PDE1C: variants seen among roughly 807,000 people sequenced by gnomAD.
PDE1C encodes the protein phosphodiesterase 1C.
In PDE1C, 62 loss-of-function variants were observed where a neutral mutation model predicts 93.1. The observed-to-expected ratio is 0.67, with a 90% CI of 0.54 to 0.82. The LOEUF is 0.82. Ranked by LOEUF, PDE1C falls within the 40% of genes least tolerant of loss-of-function variation. The probability of loss-of-function intolerance (pLI) is 0.00; values close to 1 mark genes in which losing one functional copy is unlikely to be tolerated. For missense variants in PDE1C, 742 were observed against 884.6 expected, an observed-to-expected ratio of 0.84 and a Z score of 2.04; for synonymous variants, 325 against 310.1, an observed-to-expected ratio of 1.05 and a Z score of -0.50.
chr7:31,726,147 T>C, the PDE1C span, among the ~76,000 whole-genome samples: 2 of 152,202 alleles, frequency 1.3e-5, no homozygotes, highest in African/African-American at 4.8e-5. Context: ...TAGCTGACTG[T>C]AGCCTCAAAC....
chr7:31,879,083 T>C lies in PDE1C; in HGVS notation c.338A>G (p.Gln113Arg). ...RDWLASTFTR[Q>R]MGMMLRRSDE... The stretch of plus-strand genomic sequence containing the variant: ...GCTCCTCCTGAGCATCATCCCCATC[T>C]GCCGCGTGAAGGTGGAGGCCAGCCA... The change falls in exon 4 of 18, where the codon CAG (glutamine) becomes CGG (arginine). Residue 113 changes from glutamine to arginine, a missense_variant. By Grantham distance (43) the Gln-to-Arg change is conservative. This residue lies in a region of PDE1C where 205 missense variants were observed against 295.3 expected (regional missense o/e 0.69). Coordinates refer to ENST00000396191, the MANE Select transcript of PDE1C (RefSeq NM_001191057.4). The C allele has an allele frequency of 1.2e-6, 2 of 1,614,162 alleles. No individual in the cohort carries two copies. Among genetic ancestry groups the C allele is most frequent in the South Asian group, 1.1e-5 (1 of 91,088 alleles).
At chr7:32,210,175 C>A (rs929629965) in intron 1 of PDE1C, among the ~76,000 whole-genome samples, 23 of 152,182 alleles carry the variant, frequency 1.5e-4, no homozygotes, top group African/African-American at 5.3e-4. Context: ...TGGATAGAGT[C>A]ATATTTAATG....
At chr7:31,952,240 A>G (rs1199967491) in intron 2 of PDE1C, among the ~76,000 whole-genome samples, 1 of 151,998 alleles carries the variant, frequency 6.6e-6, no homozygotes, top group African/African-American at 2.4e-5. Flanking sequence ...ATGTACCTAT[A>G]TTAGAGAACT....
the PDE1C span, among the ~76,000 whole-genome samples, chr7:31,663,056 T>G: frequency 5.9e-5 from 9 of 152,286 alleles, no homozygotes; most frequent in East Asian, 1.2e-3. Flanking sequence ...TGTATGCCAC[T>G]TATAACTCCC....
At chr7:32,043,051 T>TA (rs1220096037) in intron 2 of PDE1C, among the ~76,000 whole-genome samples, 8 of 152,156 alleles carry the variant, frequency 5.3e-5, no homozygotes, top group African/African-American at 1.9e-4. Context: ...GATTTTGACA[T>TA]ACACGGGACA....
the PDE1C span, among the ~76,000 whole-genome samples, chr7:31,689,575 C>G: frequency 3.9e-5 from 6 of 152,044 alleles, no homozygotes; most frequent in African/African-American, 1.4e-4. Context: ...AAGAATTAGA[C>G]CGGCTCATGT....
At chr7:31,876,835 G>C (rs908456270) in intron 5 of PDE1C, among the ~76,000 whole-genome samples, 3 of 152,130 alleles carry the variant, frequency 2.0e-5, no homozygotes, top group African/African-American at 7.2e-5. Flanking sequence ...GGTAAGAAGA[G>C]ACGGAAAGGG....
At chr7:32,094,614 G>A (rs1797651335) in intron 3 of PDE1C, among the ~76,000 whole-genome samples, 2 of 152,120 alleles carry the variant, frequency 1.3e-5, no homozygotes, top group Non-Finnish European at 2.9e-5. Context: ...CTAAATCTGA[G>A]TCCCAAGCTC....
chr7:31,822,018 C>A (rs1789035429), intron 14 of PDE1C, among the ~76,000 whole-genome samples: 1 of 152,104 alleles, frequency 6.6e-6, no homozygotes, highest in African/African-American at 2.4e-5. Flanking sequence ...AGGGCTTAGA[C>A]TGGTGGTGCT....
At chr7:32,318,085 C>T (rs1280726463) in intron 1 of PDE1C, among the ~76,000 whole-genome samples, 2 of 152,154 alleles carry the variant, frequency 1.3e-5, no homozygotes, top group Non-Finnish European at 2.9e-5. Context: ...CGTAACAACA[C>T]TTCATAAAGT....
chr7:32,305,841 C>T (rs996366980), intron 1 of PDE1C, among the ~76,000 whole-genome samples: 4 of 152,248 alleles, frequency 2.6e-5, no homozygotes, highest in Non-Finnish European at 5.9e-5. Flanking sequence ...ACAAACAGAG[C>T]TCAGTGAGCA....
intron 1 of PDE1C, among the ~76,000 whole-genome samples, chr7:32,293,736 G>T (rs1439801970): frequency 6.6e-6 from 1 of 152,158 alleles, no homozygotes; most frequent in Non-Finnish European, 1.5e-5. Flanking sequence ...TCTGAGATAC[G>T]ACTGAGGGAG....
chr7:31,803,500 C>T (rs972600452), intron 16 of PDE1C, among the ~76,000 whole-genome samples: 1 of 151,770 alleles, frequency 6.6e-6, no homozygotes, highest in African/African-American at 2.4e-5. Flanking sequence ...GTGTGCTGCA[C>T]CCATTAACTC....
chr7:31,900,935 C>A, intron 2 of PDE1C, among the ~76,000 whole-genome samples: 1 of 150,962 alleles, frequency 6.6e-6, no homozygotes, highest in South Asian at 2.1e-4. Context: ...TTGACAGATA[C>A]TAAAAAAAAA....
In PDE1C at chr7:31,958,186, G is replaced by C. The variant is rs142723246; in HGVS notation, c.129-77326C>G. On this transcript the variant is annotated intron_variant, in intron 2 of 17. Coordinates refer to ENST00000396191, the MANE Select transcript of PDE1C (RefSeq NM_001191057.4). ...TTAAGTGACACAGACAGAAAGGTTT[G>C]ACCTCAGTTTCCGCTTCCAAGCATG... Among the ~76,000 whole-genome samples the C allele has an allele frequency of 7.1e-3, 1,088 of 152,284 alleles. 11 individuals are homozygous for C. Among genetic ancestry groups the C allele is most frequent in the African/African-American group, 0.025 (1,019 of 41,562 alleles).
intron 2 of PDE1C, among the ~76,000 whole-genome samples, chr7:31,935,287 G>T (rs770342009): frequency 2.2e-4 from 34 of 152,082 alleles, no homozygotes; most frequent in Non-Finnish European, 4.7e-4. Context: ...AAACCCACTT[G>T]GCTGACAGCC....
chr7:31,663,726 T>A, the PDE1C span, among the ~76,000 whole-genome samples: 7 of 152,232 alleles, frequency 4.6e-5, no homozygotes, highest in Non-Finnish European at 1.0e-4. Context: ...AACCTAATTG[T>A]ATTTAATATT....
the PDE1C span, among the ~76,000 whole-genome samples, chr7:31,683,817 A>G: frequency 6.6e-5 from 10 of 152,276 alleles, no homozygotes; most frequent in East Asian, 1.9e-3. Flanking sequence ...GAAATGCTCA[A>G]TCATTTTATA....
chr7:32,266,625 C>A (rs558434127), intron 1 of PDE1C, among the ~76,000 whole-genome samples: 2 of 152,072 alleles, frequency 1.3e-5, no homozygotes, highest in Non-Finnish European at 2.9e-5. Context: ...GAATTAAAAT[C>A]CATGATGTGA....
Sources: gnomAD v4.1 joint callset for allele counts (sites outside exome capture counted in the v4.1 genomes callset) on GRCh38, gnomAD v4.1.1 for gene constraint, gnomAD v4.1.1 regional missense constraint, MANE v1.5 for transcripts, NCBI Gene and HGNC (gene_info 2026-07-23, HGNC 2026-07-21) for gene names.